Variants in FBXO42 observed in about 807,000 individuals in gnomAD.
FBXO42 encodes F-box only protein 42.
A neutral mutation model predicts 71.7 loss-of-function variants in FBXO42; 12 were observed. The observed-to-expected ratio is 0.17, with a 90% CI of 0.11 to 0.27. The LOEUF is 0.27. FBXO42 is among the 10% of genes least tolerant of loss of function. The pLI is 1.00. For missense variants in FBXO42, 707 were observed against 911.9 expected (o/e 0.78, Z 2.89); for synonymous variants, 325 against 327.5 (o/e 0.99, Z 0.08).
At chr1:16,330,855 TC>T (rs1410131080) in intron 1 of FBXO42, among the ~76,000 whole-genome samples, 2 of 151,926 alleles carry the variant, frequency 1.3e-5, no homozygotes, top group African/African-American at 2.4e-5. Flanking sequence ...GGCAGGAGAA[TC>T]ACTTTAACTC....
At chr1:16,333,298 T>G (rs945271015) in intron 1 of FBXO42, among the ~76,000 whole-genome samples, 8 of 152,172 alleles carry the variant, frequency 5.3e-5, no homozygotes, top group African/African-American at 1.7e-4. Flanking sequence ...ATTTTGCTTA[T>G]TAACCACTTG....
chr1:16,280,803 G>A (rs2081955716), intron 4 of FBXO42, among the ~76,000 whole-genome samples: 2 of 152,066 alleles, frequency 1.3e-5, no homozygotes, highest in South Asian at 4.1e-4. Context: ...AAAGAAGAAC[G>A]AAAACTACTC....
chr1:16,327,000 C>T (rs553018806), intron 1 of FBXO42, among the ~76,000 whole-genome samples: 274 of 152,298 alleles, frequency 1.8e-3, no homozygotes, highest in African/African-American at 6.3e-3. Flanking sequence ...CTCTCTCTCA[C>T]CATCTCTCTC....
At chr1:16,262,397 T>C (rs2081724315) in intron 4 of FBXO42, among the ~76,000 whole-genome samples, 1 of 152,200 alleles carries the variant, frequency 6.6e-6, no homozygotes, top group Admixed American at 6.6e-5. Context: ...GCAAAATCTA[T>C]AAATCAAATG....
At position 16,332,626 on chromosome 1, in the gene FBXO42, C is replaced by T. The variant is rs113822575; in HGVS notation, c.-17-17191G>A. ...CACAACCTCAGCTCACTGCAACCCC[C>T]GTCTCCAGAGTTCAAGTGATTCTCC... is the stretch of plus-strand genomic sequence containing the variant. On this transcript the variant is annotated intron_variant, in intron 1 of 9. Transcript: ENST00000375592. Among the ~76,000 whole-genome samples the T allele has an allele frequency of 2.0e-4, 31 of 151,920 alleles. No individual in the cohort carries two copies. The East Asian group carries it at 5.6e-3, about 27-fold the overall frequency.
chr1:16,309,845 A>C (rs1445257508), intron 2 of FBXO42, among the ~76,000 whole-genome samples: 5 of 151,754 alleles, frequency 3.3e-5, no homozygotes, highest in Non-Finnish European at 5.9e-5. Context: ...GGAGTTTGAG[A>C]CCAGCCTGGT....
intron 1 of FBXO42, among the ~76,000 whole-genome samples, chr1:16,335,375 T>A (rs897776356): frequency 6.6e-6 from 1 of 152,126 alleles, no homozygotes; most frequent in Non-Finnish European, 1.5e-5. Flanking sequence ...TGGGTTCAAG[T>A]GATCCTCCTG....
chr1:16,291,446 T>C (rs1042309740), intron 4 of FBXO42, among the ~76,000 whole-genome samples: 6 of 152,026 alleles, frequency 3.9e-5, no homozygotes, highest in Non-Finnish European at 8.8e-5. Context: ...TGTGGCGCAA[T>C]CTTGGCTCAC....
chr1:16,329,092 G>A (rs538960335), intron 1 of FBXO42, among the ~76,000 whole-genome samples: 147 of 151,136 alleles, frequency 9.7e-4, no homozygotes, highest in Non-Finnish European at 5.5e-4. Flanking sequence ...GAACCCAGGA[G>A]GCGGAGGTTG....
chr1:16,266,758 G>A lies in FBXO42; in HGVS notation c.503-9999C>T, dbSNP rs188167486. On this transcript the variant is annotated intron_variant, in intron 4 of 9. Coordinates refer to ENST00000375592, the MANE Select transcript of FBXO42 (RefSeq NM_018994.3). ...TTGATAAAGCTGTCATCATGGTATTGTGTGAAGTGACTGACCTCAACAGCA... is the reference window on the plus strand; with the variant it reads ...TTGATAAAGCTGTCATCATGGTATTATGTGAAGTGACTGACCTCAACAGCA... Among the ~76,000 whole-genome samples, 13 of 152,290 alleles carry A rather than the reference G, an allele frequency of 8.5e-5. No homozygotes were observed. The East Asian group carries it at 2.5e-3, about 29-fold the overall frequency.
At chr1:16,332,205 C>T (rs2082507382) in intron 1 of FBXO42, among the ~76,000 whole-genome samples, 1 of 152,214 alleles carries the variant, frequency 6.6e-6, no homozygotes, top group African/African-American at 2.4e-5. Flanking sequence ...AAAATGTAAT[C>T]CCCTCTTTGC....
chr1:16,340,076 T>G (rs2082587873), intron 1 of FBXO42, among the ~76,000 whole-genome samples: 1 of 151,820 alleles, frequency 6.6e-6, no homozygotes, highest in African/African-American at 2.4e-5. Flanking sequence ...CTTGGGAGGC[T>G]GAGGCAGAAG....
At chr1:16,302,259 C>A (rs1024167154) in intron 3 of FBXO42, among the ~76,000 whole-genome samples, 1 of 152,076 alleles carries the variant, frequency 6.6e-6, no homozygotes, top group African/African-American at 2.4e-5. Context: ...TTAAGAAGGG[C>A]AGGCCGGGTG....
intron 4 of FBXO42, among the ~76,000 whole-genome samples, chr1:16,274,694 C>T (rs1465045803): frequency 2.1e-5 from 3 of 140,596 alleles, no homozygotes; most frequent in Admixed American, 7.6e-5. Flanking sequence ...TGGGTTCAAA[C>T]GATTCTCCTG....
chr1:16,319,307 T>C (rs930075095), intron 1 of FBXO42, among the ~76,000 whole-genome samples: 9 of 152,228 alleles, frequency 5.9e-5, no homozygotes. Flanking sequence ...GCACTAATTA[T>C]GTGTAACATC....
chr1:16,350,753 A>AAAAAAAGAAAGAAAGAAAGAAAG (rs1557612316), intron 1 of FBXO42, among the ~76,000 whole-genome samples: 1 of 28,872 alleles, frequency 3.5e-5, no homozygotes, highest in African/African-American at 1.8e-4. Context: ...CAAAAAAAAA[A>AAAAAAAGAAAGAAAGAAAGAAAG]AAAAAAAGAA....
chr1:16,311,494 AAAAAAAAAAAT>A lies in FBXO42; in HGVS notation c.250+3664_250+3674del, dbSNP rs1461208242. 6.6e-3 allele frequency among the ~76,000 whole-genome samples: 685 copies of A among 103,432 alleles called. 5 individuals are homozygous for A. The highest frequency in any genetic ancestry group is 0.011 in the African/African-American group (309 of 28,656). 67.9% of individuals were successfully genotyped at this position (103,432 alleles called of 152,430 possible). A position where few individuals can be genotyped will look rare whatever the true frequency, so the allele number is the denominator to read the frequency against. On this transcript the variant is annotated intron_variant, in intron 2 of 9. Coordinates refer to ENST00000375592, the MANE Select transcript of FBXO42 (RefSeq NM_018994.3). ...CAGAGCAAGATCTTGTCTCAAAAAA[AAAAAAAAAAAT>A]ATATATATATATATATATATATACA...
chr1:16,302,024 A>C (rs1375555078), intron 3 of FBXO42, among the ~76,000 whole-genome samples: 2 of 152,164 alleles, frequency 1.3e-5, no homozygotes, highest in African/African-American at 4.8e-5. Flanking sequence ...TCCCACATCC[A>C]AAGGCCTTTC....
In FBXO42 at chr1:16,250,974, A is replaced by G; in HGVS notation, c.1850T>C (p.Ile617Thr). The change falls in exon 10 of 10, where the codon ATT becomes ACT. Residue 617 changes from isoleucine to threonine, a missense_variant. By Grantham distance (89) the Ile-to-Thr change is moderately conservative. This residue lies in a region of FBXO42 where 482 missense variants were observed against 587.1 expected (regional missense o/e 0.82). Transcript: ENST00000375592. This position sits in a 1 kb window ranked among gnomAD's most constrained non-coding sequence, Gnocchi z 4.7. ...AQGDGHSLPP[I>T]ARRLGHHPPQ... ...AGGGTGGTGGCCCAGGCGGCGAGCA[A>G]TGGGAGGTAAGGAATGTCCATCTCC... 6.2e-7 allele frequency: 1 copy of G among 1,614,136 alleles called. No homozygotes were observed. The highest frequency in any genetic ancestry group is 8.5e-7 in the Non-Finnish European group (1 of 1,180,012).
Sources: gnomAD v4.1 joint callset for allele counts (sites outside exome capture counted in the v4.1 genomes callset) on GRCh38, gnomAD v4.1.1 for gene constraint, gnomAD v4.1.1 regional missense constraint, Gnocchi (gnomAD v3.1) non-coding constraint, MANE v1.5 for transcripts, NCBI Gene and HGNC (gene_info 2026-07-23, HGNC 2026-07-21) for gene names.